The following CHST10 variants were observed in gnomAD, a reference collection of about 807,000 sequenced individuals.
CHST10 encodes carbohydrate sulfotransferase 10.
A neutral mutation model predicts 34.7 loss-of-function variants in CHST10; 24 were observed. The observed-to-expected ratio is 0.69, with a 90% confidence interval of 0.50 to 0.97. The LOEUF (loss-of-function observed/expected upper bound fraction) is 0.97, where lower values mean the gene tolerates loss of function less well. Among genes scored for constraint, CHST10 ranks in the 50% least tolerant of loss-of-function variants. The pLI is 0.00. For missense variants in CHST10, 402 were observed against 452.1 expected (o/e 0.89, Z 1.00); for synonymous variants, 161 against 169.3 (o/e 0.95, Z 0.38).
At position 100,392,852 on chromosome 2, in the gene CHST10, G is replaced by T; in HGVS notation, c.*393C>A. 4.6e-6 allele frequency: 1 copy of T among 215,556 alleles called. No individual in the cohort carries two copies. The highest frequency in any genetic ancestry group is 9.4e-6 in the Non-Finnish European group (1 of 106,706). The allele number at this position is 215,556 out of a possible 1,614,324, so 13.4% of individuals were successfully genotyped here. A position where few individuals can be genotyped will look rare whatever the true frequency, so the allele number is the denominator to read the frequency against. On this transcript the variant is annotated 3_prime_UTR_variant, in exon 7 of 7. Coordinates refer to ENST00000264249, the MANE Select transcript of CHST10 (RefSeq NM_004854.5). ...TGTTCCTGCAACCCACCAGTGATGG[G>T]TGAAGCCACCCTGACTAGCCAGGAG...
chr2:100,413,049 C>T (rs889617868), intron 2 of CHST10, among the ~76,000 whole-genome samples: 2 of 152,202 alleles, frequency 1.3e-5, no homozygotes. Flanking sequence ...GGTTTGCCTC[C>T]TATCTGAGGA....
chr2:100,414,862 C>T (rs1443233759), intron 2 of CHST10, among the ~76,000 whole-genome samples, 179 bp downstream of exon 2: 3 of 152,192 alleles, frequency 2.0e-5, no homozygotes, highest in Admixed American at 6.5e-5. Flanking sequence ...CAGGTACTAA[C>T]TCACATAATC....
intron 1 of CHST10, chr2:100,417,064 T>C (rs1183498239): frequency 4.6e-6 from 6 of 1,303,768 alleles, no homozygotes; most frequent in Non-Finnish European, 6.1e-6. Flanking sequence ...TTTCTTCCTC[T>C]CTCCATCTAC....
rs1675400172 is a variant in CHST10 at position 100,402,706 on chromosome 2, G to A, written c.101-51C>T. 6 of 1,508,652 alleles carry A rather than the reference G, an allele frequency of 4.0e-6. No individual in the cohort carries two copies. In the East Asian group the frequency reaches 1.1e-4, roughly 28 times the overall value. The allele number at this position is 1,508,652 out of a possible 1,614,324, so 93.5% of individuals were successfully genotyped here. ...TTCTCTAAAAGGAAAAGGCACACAG[G>A]TGGATGGGACAGAACAGAGGCCCCA... On this transcript the variant is annotated intron_variant, in intron 3 of 6. Coordinates refer to ENST00000264249, the MANE Select transcript of CHST10 (RefSeq NM_004854.5).
At chr2:100,414,945 C>G in intron 2 of CHST10, 96 bp downstream of exon 2, 2 of 754,780 alleles carry the variant, frequency 2.6e-6, no homozygotes, top group Non-Finnish European at 3.9e-6. Context: ...TACTCCTAAT[C>G]AAGAGTTTAC....
At chr2:100,395,740 C>A in intron 5 of CHST10, 126 bp from the exon 6 acceptor site, 1 of 602,426 alleles carries the variant, frequency 1.7e-6, no homozygotes, top group Non-Finnish European at 2.9e-6. Flanking sequence ...AGCCCACCCC[C>A]AATATCCAAG....
chr2:100,416,856 C>T lies in CHST10; in HGVS notation c.-104+518G>A, dbSNP rs1676088762. 5 of 722,090 alleles carry T rather than the reference C, an allele frequency of 6.9e-6. No individual in the cohort carries two copies. The Middle Eastern group carries it at 1.4e-3, about 209-fold the overall frequency. 44.7% of individuals were successfully genotyped at this position (722,090 alleles called of 1,614,324 possible). ...TGGAAAACCTGGTTCACCTTCCCAG[C>T]CAGAAGTGCAGAACTGCATGCCTCA... is the stretch of plus-strand genomic sequence containing the variant. On this transcript the variant is annotated intron_variant, in intron 1 of 6. Coordinates refer to ENST00000264249, the MANE Select transcript of CHST10 (RefSeq NM_004854.5).
intron 2 of CHST10, among the ~76,000 whole-genome samples, chr2:100,410,711 C>T (rs1438589294): frequency 6.6e-6 from 1 of 152,146 alleles, no homozygotes; most frequent in South Asian, 2.1e-4. Flanking sequence ...GCTATGAGGA[C>T]TTCAGTATTA....
At chr2:100,397,549 G>C (rs565301670) in intron 5 of CHST10, among the ~76,000 whole-genome samples, 1 of 152,276 alleles carries the variant, frequency 6.6e-6, no homozygotes, top group East Asian at 1.9e-4. Flanking sequence ...GCGAGTGTGG[G>C]GCCCTGGGGA....
chr2:100,411,616 T>C (rs1206397680), intron 2 of CHST10, among the ~76,000 whole-genome samples: 1 of 152,174 alleles, frequency 6.6e-6, no homozygotes, highest in Non-Finnish European at 1.5e-5. Context: ...AACCTAAAAA[T>C]AATGACTTCA....
intron 6 of CHST10, among the ~76,000 whole-genome samples, chr2:100,394,722 T>C (rs1013365364): frequency 7.8e-6 from 1 of 128,638 alleles, no homozygotes; most frequent in African/African-American, 3.2e-5. Flanking sequence ...AAGGACTCCA[T>C]CTTCTTTTTT....
intron 3 of CHST10, among the ~76,000 whole-genome samples, chr2:100,403,094 T>C (rs1237793871): frequency 6.6e-6 from 1 of 152,130 alleles, no homozygotes; most frequent in East Asian, 1.9e-4. Context: ...AACTCAACAA[T>C]TAAAAAACCA....
chr2:100,399,499 T>C (rs1467337995), intron 4 of CHST10, among the ~76,000 whole-genome samples: 1 of 152,212 alleles, frequency 6.6e-6, no homozygotes, highest in African/African-American at 2.4e-5. Context: ...ATATCCTTGT[T>C]ATATCTTTTA....
rs1396643682 is a variant in CHST10 at position 100,393,072 on chromosome 2, G to C, written c.*173C>G. The stretch of plus-strand genomic sequence containing the variant: ...TCAGAGCATCTTACATCCAAACTAA[G>C]TTGTAACAGTTGGGGTTCTGCGTCA... On this transcript the variant is annotated 3_prime_UTR_variant, in exon 7 of 7. Coordinates refer to ENST00000264249, the MANE Select transcript of CHST10 (RefSeq NM_004854.5). 3.1e-6 allele frequency: 2 copies of C among 651,268 alleles called. No homozygotes were observed. The highest frequency in any genetic ancestry group is 2.6e-6 in the Non-Finnish European group (1 of 379,318). 40.3% of individuals were successfully genotyped at this position (651,268 alleles called of 1,614,324 possible). A position where few individuals can be genotyped will look rare whatever the true frequency, so the allele number is the denominator to read the frequency against.
At position 100,402,647 on chromosome 2, in the gene CHST10, C is replaced by G; in HGVS notation, c.109G>C (p.Ala37Pro). The G allele has an allele frequency of 6.2e-7, 1 of 1,613,748 alleles. No individual in the cohort carries two copies. Among genetic ancestry groups the G allele is most frequent in the Non-Finnish European group, 8.5e-7 (1 of 1,179,746 alleles). The change falls in exon 4 of 7, where the codon GCC (alanine) becomes CCC (proline). Residue 37 changes from alanine (A) to proline (P), a missense_variant. Physicochemically the swap from Ala to Pro is conservative, Grantham distance 27 (BLOSUM62 -1). Transcript: ENST00000264249. ...LTFKDPDVYS[A>P]KQEFLFLTTM... ...GTCAGGAACAGAAACTCCTGTTTGG[C>G]ACTGTACACTGGAAGACAGAGAGGT...
rs760627598 is a variant in CHST10, at chr2:100,393,485, G to T, written c.831C>A (p.Tyr277Ter). ...GGGTCTCGTGGTGTCCAATCACACT[G>T]TACATTATCTCACAGGGAGCACAGA... The part of the protein sequence containing the change: ...VELCAPCEIM[Y>*]SVIGHHETLE... Residue 277 changes from tyrosine (Y) to a stop codon, truncating the protein, a stop_gained, in exon 7 of 7, where the codon TAC becomes TAA. Coordinates refer to ENST00000264249, the MANE Select transcript of CHST10 (RefSeq NM_004854.5). LOFTEE classifies it high-confidence loss of function. 6.2e-7 allele frequency: 1 copy of T among 1,614,090 alleles called. No individual in the cohort carries two copies. Among genetic ancestry groups the T allele is most frequent in the African/African-American group, 1.3e-5 (1 of 74,978 alleles).
intron 1 of CHST10, chr2:100,415,676 C>CT (rs1307858847): frequency 6.6e-6 from 1 of 152,280 alleles, no homozygotes; most frequent in African/African-American, 2.4e-5. Flanking sequence ...TCCCTTTACT[C>CT]TAAGAACTCA....
intron 2 of CHST10, chr2:100,408,066 C>T (rs1675660927): frequency 1.3e-5 from 2 of 152,042 alleles, no homozygotes; most frequent in Admixed American, 6.6e-5. Flanking sequence ...CCCAGGTTCC[C>T]CAAGTCGGGT....
Position 100,402,638 on chromosome 2 carries a change from C to A in CHST10, c.118G>T (p.Glu40Ter). ...GGCATGGTTGTCAGGAACAGAAACT[C>A]CTGTTTGGCACTGTACACTGGAAGA... Reference protein sequence around the residue: ...KDPDVYSAKQEFLFLTTMPEV... With the variant: ...KDPDVYSAKQ Residue 40 changes from glutamate to a stop codon, truncating the protein, a stop_gained, in exon 4 of 7, where the codon GAG becomes TAG. Coordinates refer to ENST00000264249, the MANE Select transcript of CHST10 (RefSeq NM_004854.5). LOFTEE classifies it high-confidence loss of function. 6.2e-7 allele frequency: 1 copy of A among 1,613,990 alleles called. No individual in the cohort carries two copies. The highest frequency in any genetic ancestry group is 1.1e-5 in the South Asian group (1 of 91,070).
Sources: gnomAD v4.1 joint callset for allele counts (sites outside exome capture counted in the v4.1 genomes callset) on GRCh38, gnomAD v4.1.1 for gene constraint, MANE v1.5 for transcripts, NCBI Gene and HGNC (gene_info 2026-07-23, HGNC 2026-07-21) for gene names.